Variants in INTS8 observed in about 807,000 individuals in gnomAD.
INTS8 encodes protein kaonashi-1.
A neutral mutation model predicts 138.9 loss-of-function variants in INTS8; 47 were observed. The ratio of observed to expected loss-of-function variants is 0.34; its 90% CI spans 0.27 to 0.43. The LOEUF is 0.43. Ranked by LOEUF, INTS8 falls within the 20% of genes least tolerant of loss-of-function variation. The pLI is 1.00. For synonymous variants in INTS8, 392 were observed against 400.9 expected (o/e 0.98, Z 0.27); for missense variants, 996 against 1,173.0 (o/e 0.85, Z 2.20).
intron 20 of INTS8, 127 bp from the exon 21 acceptor site, chr8:94,871,757 C>T (rs910209301): frequency 1.4e-4 from 92 of 646,090 alleles, no homozygotes; most frequent in South Asian, 4.8e-4. Flanking sequence ...ACATTTACTC[C>T]TAGTATTTAG....
chr8:94,847,012 C>T (rs185978889), intron 10 of INTS8, among the ~76,000 whole-genome samples: 1 of 152,080 alleles, frequency 6.6e-6, no homozygotes, highest in Non-Finnish European at 1.5e-5. Context: ...TTTTTTTCTA[C>T]ATTCATGTAT....
chr8:94,842,437 TAACC>T lies in INTS8; in HGVS notation c.1211_1214del (p.Asn404SerfsTer11). 1.9e-6 allele frequency: 3 copies of T among 1,605,266 alleles called. No individual in the cohort carries two copies. Among genetic ancestry groups the T allele is most frequent in the Non-Finnish European group, 2.6e-6 (3 of 1,172,334 alleles). On this transcript the variant is annotated frameshift_variant, in exon 10 of 27. Transcript: ENST00000523731. LOFTEE classifies it high-confidence loss of function. ...AAGGCAGAACAATTAGTGTTCAATT[TAACC>T]AGCTATTTCTTAGACCAAATAAAGA... is the stretch of plus-strand genomic sequence containing the variant.
chr8:94,869,509 T>C (rs898319240), intron 20 of INTS8, among the ~76,000 whole-genome samples: 1 of 152,054 alleles, frequency 6.6e-6, no homozygotes, highest in Admixed American at 6.6e-5. Flanking sequence ...TTTTTATTTT[T>C]TGAGACGGAG....
chr8:94,867,618 G>A (rs1449470145), intron 20 of INTS8: 1 of 248,660 alleles, frequency 4.0e-6, no homozygotes. Context: ...CTGCCTCTTG[G>A]GCTCAAGCAA....
At chr8:94,827,517 G>T (rs2130991696) in intron 3 of INTS8, 114 bp downstream of exon 3, 1 of 1,293,016 alleles carries the variant, frequency 7.7e-7, no homozygotes. Context: ...TTTCAAATCT[G>T]GGGAACTGTG....
At chr8:94,841,901 C>T (rs1466655977) in intron 9 of INTS8, among the ~76,000 whole-genome samples, 1 of 151,970 alleles carries the variant, frequency 6.6e-6, no homozygotes, top group Non-Finnish European at 1.5e-5. Context: ...AACCCCGTCT[C>T]TACCAAAAAA....
chr8:94,836,805 G>A (rs6471497), intron 7 of INTS8, among the ~76,000 whole-genome samples, 174 bp downstream of exon 7: 113,039 of 152,038 alleles, frequency 0.74, 42,080 homozygotes, highest in Middle Eastern at 0.79. Flanking sequence ...TGGAAATATA[G>A]CCCCTTTTAT....
At position 94,880,478 on chromosome 8, in the gene INTS8, C is replaced by T; in HGVS notation, c.*244C>T. The T allele has an allele frequency of 3.2e-6, 1 of 315,284 alleles. No individual in the cohort carries two copies. Among genetic ancestry groups the T allele is most frequent in the South Asian group, 1.3e-4 (1 of 7,952 alleles). 19.5% of individuals were successfully genotyped at this position (315,284 alleles called of 1,614,324 possible). The stretch of plus-strand genomic sequence containing the variant: ...TCTGATAACAAAATAAACTAGCAAT[C>T]TAGTTTTCTAATCTACTTTATGAGG... On this transcript the variant is annotated 3_prime_UTR_variant, in exon 27 of 27. Coordinates refer to ENST00000523731, the MANE Select transcript of INTS8 (RefSeq NM_017864.4).
chr8:94,830,985 A>G (rs772585138), intron 5 of INTS8, among the ~76,000 whole-genome samples: 5 of 151,952 alleles, frequency 3.3e-5, no homozygotes, highest in Non-Finnish European at 5.9e-5. Flanking sequence ...TTTAGTAGAG[A>G]TGGGGTTTCA....
chr8:94,870,283 C>A (rs913098160), intron 20 of INTS8, among the ~76,000 whole-genome samples: 1 of 152,092 alleles, frequency 6.6e-6, no homozygotes, highest in Admixed American at 6.5e-5. Context: ...GATCTCCTGA[C>A]CTCGTGATCC....
At chr8:94,861,643 C>G (rs2131051916) in intron 16 of INTS8, among the ~76,000 whole-genome samples, 1 of 151,650 alleles carries the variant, frequency 6.6e-6, no homozygotes, top group East Asian at 1.9e-4. Context: ...ACCTCTGCCT[C>G]CCAGATTCAA....
intron 7 of INTS8, among the ~76,000 whole-genome samples, chr8:94,838,209 G>C (rs745896105): frequency 2.0e-5 from 3 of 151,838 alleles, no homozygotes; most frequent in Non-Finnish European, 4.4e-5. Context: ...CCGCCACCAT[G>C]CCTGGCTAAT....
chr8:94,833,912 C>T (rs1284635609), intron 6 of INTS8, among the ~76,000 whole-genome samples: 2 of 152,292 alleles, frequency 1.3e-5, no homozygotes, highest in East Asian at 1.9e-4. Flanking sequence ...GCTGGGATTA[C>T]AGGCATGCAC....
intron 2 of INTS8, 64 bp from the exon 3 acceptor site, chr8:94,827,199 T>C: frequency 1.4e-6 from 2 of 1,405,556 alleles, no homozygotes; most frequent in Non-Finnish European, 2.0e-6. Flanking sequence ...GATATGGAAT[T>C]TTGTATGTAT....
Position 94,880,764 on chromosome 8 carries a change from T to TA in INTS8, c.*541dup, listed in dbSNP as rs919433641. The TA allele has an allele frequency of 2.3e-3, 733 of 320,158 alleles. No individual in the cohort carries two copies. The highest frequency in any genetic ancestry group is 8.6e-3 in the Middle Eastern group (10 of 1,162). 19.8% of individuals were successfully genotyped at this position (320,158 alleles called of 1,614,324 possible). A position where few individuals can be genotyped will look rare whatever the true frequency, so the allele number is the denominator to read the frequency against. ...AAATAAAGCCTTAGTCACACTAAAT[T>TA]AAAAAAAAAAATTCCTTAGGGATAT... is the stretch of plus-strand genomic sequence containing the variant. On this transcript the variant is annotated 3_prime_UTR_variant, in exon 27 of 27. Transcript: ENST00000523731.
chr8:94,828,824 G>A (rs760670826), intron 4 of INTS8, 151 bp from the exon 5 acceptor site: 4 of 622,248 alleles, frequency 6.4e-6, no homozygotes, highest in African/African-American at 1.9e-5. Flanking sequence ...CATAATAGTT[G>A]AGGGTTTTGT....
At position 94,871,432 on chromosome 8, in the gene INTS8, C is replaced by T. The variant is rs370619735; in HGVS notation, c.2415-452C>T. 7.9e-5 allele frequency among the ~76,000 whole-genome samples: 12 copies of T among 151,542 alleles called. No homozygotes were observed. In the East Asian group the frequency reaches 1.6e-3, roughly 20 times the overall value. On this transcript the variant is annotated intron_variant, in intron 20 of 26. Transcript: ENST00000523731. ...GGCGGAGGTTGCAGTGAGCTGAGAT[C>T]GTGCCACCGCACTCCAACCTGGGCG...
chr8:94,823,589 C>T, intron 1 of INTS8, 28 bp downstream of exon 1: 2 of 1,494,750 alleles, frequency 1.3e-6, no homozygotes, highest in Non-Finnish European at 1.8e-6. Flanking sequence ...ACCTGGGGAG[C>T]GGGACCCGGC....
chr8:94,872,440 G>A (rs1459570761), intron 21 of INTS8, among the ~76,000 whole-genome samples: 2 of 152,122 alleles, frequency 1.3e-5, no homozygotes, highest in South Asian at 2.1e-4. Context: ...CGCCATGTTG[G>A]CCAGGCTGAT....
Sources: allele counts gnomAD v4.1 joint callset (sites outside exome capture counted in the v4.1 genomes callset), GRCh38; gene constraint gnomAD v4.1.1; transcripts MANE v1.5; gene names NCBI Gene and HGNC (gene_info 2026-07-23, HGNC 2026-07-21).